COL4A6: variants seen among roughly 807,000 people sequenced by gnomAD.
COL4A6 encodes collagen type IV alpha 6 chain.
COL4A6 carries 59 observed loss-of-function variants against 126.7 expected under a neutral mutation model. The ratio of observed to expected loss-of-function variants is 0.47; its 90% CI spans 0.38 to 0.58. The LOEUF (loss-of-function observed/expected upper bound fraction) is 0.58. Among genes scored for constraint, COL4A6 ranks in the 20% least tolerant of loss-of-function variants. COL4A6 has a pLI of 0.00. For synonymous variants in COL4A6, 547 were observed against 496.6 expected, an observed-to-expected ratio of 1.10 and a Z score of -1.35; for missense variants, 1,285 against 1,337.3, an observed-to-expected ratio of 0.96 and a Z score of 0.61.
rs112678019 is a variant in COL4A6, at chrX:108,353,874, C to T, written c.64-43046G>A. 4.3e-3 allele frequency among the ~76,000 whole-genome samples: 478 copies of T among 112,272 alleles called. 2 individuals carry two copies. The highest frequency in any genetic ancestry group is 0.015 in the African/African-American group (455 of 30,921). On this transcript the variant is annotated intron_variant, in intron 2 of 44. Coordinates refer to ENST00000334504, the MANE Select transcript of COL4A6 (RefSeq NM_033641.4). ...TGTTTTGATAGAAAGTGATGCTGGC[C>T]GAGCGCTGTGGCTCACGCCTGTAAT...
intron 3 of COL4A6, among the ~76,000 whole-genome samples, chrX:108,280,928 T>C (rs1232050385): frequency 9.0e-6 from 1 of 111,668 alleles, no homozygotes; most frequent in Non-Finnish European, 1.9e-5. Context: ...GAAAAGGCCT[T>C]TGACAAAATT....
At chrX:108,308,973 G>A (rs2038695131) in intron 3 of COL4A6, among the ~76,000 whole-genome samples, 1 of 111,475 alleles carries the variant, frequency 9.0e-6, no homozygotes, top group Non-Finnish European at 1.9e-5. Flanking sequence ...AAACTATGGG[G>A]TAGAGAAAAA....
chrX:108,294,243 C>G (rs2038250566), intron 3 of COL4A6, among the ~76,000 whole-genome samples: 1 of 111,643 alleles, frequency 9.0e-6, no homozygotes, highest in Admixed American at 9.5e-5. Flanking sequence ...AAGCTTGGTA[C>G]CTAAGTTCTT....
chrX:108,334,460 A>G (rs1258855355), intron 2 of COL4A6, among the ~76,000 whole-genome samples: 1 of 111,992 alleles, frequency 8.9e-6, no homozygotes, highest in East Asian at 2.8e-4. Context: ...GATGAAAATA[A>G]GTTATGGATG....
chrX:108,383,360 G>T, intron 2 of COL4A6: 3 of 390,988 alleles, frequency 7.7e-6, no homozygotes, highest in Non-Finnish European at 1.4e-5. Context: ...TATGCATCTA[G>T]CAACAGAGCA....
intron 3 of COL4A6, among the ~76,000 whole-genome samples, chrX:108,238,526 C>T (rs1569373483): frequency 9.1e-6 from 1 of 109,676 alleles, no homozygotes; most frequent in Non-Finnish European, 1.9e-5. Context: ...TACTTTGTTG[C>T]TTCTAACCCT....
Position 108,205,446 on chromosome X carries a change from C to T in COL4A6, c.680G>A (p.Gly227Glu), listed in dbSNP as rs745825791. The change falls in exon 11 of 45, where the codon GGA becomes GAA. Residue 227 changes from glycine to glutamate, a missense_variant. Coordinates refer to ENST00000334504, the MANE Select transcript of COL4A6 (RefSeq NM_033641.4). ...TTTTTAAAAGCTGTTTACCTTGACTCCTTTCTCTCCTTGAAAACCTAGCCC... is the reference window on the plus strand; with the variant it reads ...TTTTTAAAAGCTGTTTACCTTGACTTCTTTCTCTCCTTGAAAACCTAGCCC... Reference protein sequence around the residue: ...NMGLGFQGEKGVKGDVGLPGP... With the variant: ...NMGLGFQGEKEVKGDVGLPGP... The T allele has an allele frequency of 1.4e-5, 17 of 1,199,099 alleles. No individual in the cohort carries two copies. In the Admixed American group the frequency reaches 3.7e-4, roughly 26 times the overall value.
intron 2 of COL4A6, among the ~76,000 whole-genome samples, chrX:108,320,561 T>C (rs112685368): frequency 6.3e-5 from 7 of 111,367 alleles, no homozygotes; most frequent in African/African-American, 2.3e-4. Context: ...CAATGGATGA[T>C]TGACTCTGGC....
intron 2 of COL4A6, among the ~76,000 whole-genome samples, chrX:108,339,331 C>T (rs2039505477): frequency 8.9e-6 from 1 of 112,189 alleles, no homozygotes; most frequent in South Asian, 3.7e-4. Context: ...ACAACGTCCC[C>T]TCTCATTGTA....
Position 108,424,268 on chromosome X carries a change from T to A in COL4A6, c.63+13674A>T, listed in dbSNP as rs1217105888. On this transcript the variant is annotated intron_variant, in intron 2 of 44. Coordinates refer to ENST00000334504, the MANE Select transcript of COL4A6 (RefSeq NM_033641.4). ...GATTCTGTATGGGGTGGCAGCACTC[T>A]GATTCCTCCTACATGTTTTAATTTA... 3.6e-5 allele frequency among the ~76,000 whole-genome samples: 4 copies of A among 111,768 alleles called. No individual in the cohort carries two copies. The East Asian group carries it at 1.1e-3, about 31-fold the overall frequency.
At chrX:108,167,969 T>C (rs1187535132) in intron 37 of COL4A6, among the ~76,000 whole-genome samples, 1 of 111,741 alleles carries the variant, frequency 8.9e-6, no homozygotes, top group Non-Finnish European at 1.9e-5. Context: ...TCTTCCTTTT[T>C]CTTCAGTTTG....
Position 108,204,402 on chromosome X carries a change from C to T in COL4A6, c.698G>A (p.Gly233Asp). 8.3e-7 allele frequency: 1 copy of T among 1,200,432 alleles called. No homozygotes were observed. Among genetic ancestry groups the T allele is most frequent in the Non-Finnish European group, 1.1e-6 (1 of 887,845 alleles). ...TGGAGGTCCTGCTGGGCCAGGGAGG[C>T]CAACATCCCCCTGTAAGATCAAATG... ...QGEKGVKGDVGLPGPAGPPPS... is the reference protein window; with the variant it reads ...QGEKGVKGDVDLPGPAGPPPS... The change falls in exon 12 of 45, where the codon GGC becomes GAC. Residue 233 changes from glycine to aspartate, a missense_variant. Transcript: ENST00000334504.
chrX:108,392,179 T>A (rs1392272915), intron 2 of COL4A6, among the ~76,000 whole-genome samples: 2 of 111,911 alleles, frequency 1.8e-5, no homozygotes, highest in Non-Finnish European at 3.8e-5. Context: ...GAAGAAAACA[T>A]ATAAATATTT....
intron 31 of COL4A6, among the ~76,000 whole-genome samples, chrX:108,173,490 G>A (rs1375624698): frequency 9.0e-6 from 1 of 110,674 alleles, no homozygotes; most frequent in Non-Finnish European, 1.9e-5. Flanking sequence ...GTGTGTGTGT[G>A]TGTGTGTGCA....
At chrX:108,163,071 G>T (rs375048135) in intron 40 of COL4A6, 33 bp from the exon 41 acceptor site, 20 of 1,175,659 alleles carry the variant, frequency 1.7e-5, no homozygotes, top group Non-Finnish European at 2.3e-5. Context: ...AGAACATCAG[G>T]CTGAGGCAGA....
rs778211175 is a variant in COL4A6, at chrX:108,395,783, A to G, written c.63+42159T>C. The stretch of plus-strand genomic sequence containing the variant: ...CTCTCACAAAGATAGTAAAAAATAC[A>G]TCTAACTAGCTTTCCCAAAGGGCTT... On this transcript the variant is annotated intron_variant, in intron 2 of 44. Transcript: ENST00000334504. Among the ~76,000 whole-genome samples, 94 of 112,145 alleles carry G rather than the reference A, an allele frequency of 8.4e-4. 1 individual carries two copies. The highest frequency in any genetic ancestry group is 2.9e-3 in the African/African-American group (89 of 30,928).
In COL4A6 at chrX:108,170,652, C is replaced by G. The variant is rs751769630; in HGVS notation, c.3450G>C (p.Gly1150=). The G allele has an allele frequency of 1.7e-6, 2 of 1,205,778 alleles. No individual in the cohort carries two copies. The highest frequency in any genetic ancestry group is 4.5e-5 in the Admixed American group (2 of 44,153). Residue 1150 remains glycine (G), a synonymous_variant, in exon 35 of 45, where the codon GGG becomes GGC. Coordinates refer to ENST00000334504, the MANE Select transcript of COL4A6 (RefSeq NM_033641.4). Reference sequence around the variant, plus strand: ...CGGGGGATCCTAGAGGCCCAATTGCCCCTTGGTGACCAGAAGAACCTGGAA... The same window carrying G: ...CGGGGGATCCTAGAGGCCCAATTGCGCCTTGGTGACCAGAAGAACCTGGAA... ...PGLPGSSGHQ[G]AIGPLGSPGL... is the part of the protein sequence containing the mutation.
chrX:108,166,439 T>A (rs192622644), intron 37 of COL4A6, among the ~76,000 whole-genome samples: 1 of 112,578 alleles, frequency 8.9e-6, no homozygotes, highest in African/African-American at 3.2e-5. Context: ...GATAAACTGT[T>A]CTGGTGGTTG....
chrX:108,233,619 A>G (rs973108390), intron 3 of COL4A6, among the ~76,000 whole-genome samples: 12 of 111,957 alleles, frequency 1.1e-4, no homozygotes, highest in African/African-American at 3.6e-4. Flanking sequence ...CCCTGTATTC[A>G]TTTAGAACCA....
Sources: allele counts gnomAD v4.1 joint callset (sites outside exome capture counted in the v4.1 genomes callset), GRCh38; gene constraint gnomAD v4.1.1; transcripts MANE v1.5; gene names NCBI Gene and HGNC (gene_info 2026-07-23, HGNC 2026-07-21).